DNAH5: variants seen among roughly 807,000 people sequenced by gnomAD.
DNAH5 encodes the protein dynein axonemal heavy chain 5.
A neutral mutation model predicts 518.2 loss-of-function variants in DNAH5; 372 were observed. The observed-to-expected ratio is 0.72, with a 90% CI of 0.66 to 0.78. DNAH5 has a LOEUF of 0.78. DNAH5 is among the 30% of genes least tolerant of loss of function. The pLI, the probability that DNAH5 is intolerant of heterozygous loss-of-function variation, is 0.00. For synonymous variants in DNAH5, 2,039 were observed against 2,025.9 expected (o/e 1.01, Z -0.17); for missense variants, 5,523 against 5,687.0 (o/e 0.97, Z 0.93).
rs201469471 is a variant in DNAH5, at chr5:13,811,745, G to T, written c.7309C>A (p.Arg2437Ser). 2 of 1,614,110 alleles carry T rather than the reference G, an allele frequency of 1.2e-6. No individual in the cohort carries two copies. The highest frequency in any genetic ancestry group is 8.5e-7 in the Non-Finnish European group (1 of 1,179,988). The change falls in exon 44 of 79, where the codon CGC becomes AGC. Residue 2437 changes from arginine to serine, a missense_variant. Arg to Ser is a moderately radical substitution (Grantham distance 110). This residue lies in a region of DNAH5 where 5,121 missense variants were observed against 5,223.3 expected (regional missense o/e 0.98). Coordinates refer to ENST00000265104, the MANE Select transcript of DNAH5 (RefSeq NM_001369.3). ...TATTCTAAGTTCTGGATACAGAAGCGATACAAGTCTGGGAAAGACTCGGTG... is the reference window on the plus strand; with the variant it reads ...TATTCTAAGTTCTGGATACAGAAGCTATACAAGTCTGGGAAAGACTCGGTG... ...LYTESFPDLY[R>S]FCIQNLEYKM...
At chr5:13,746,721 T>C (rs1182886160) in intron 65 of DNAH5, among the ~76,000 whole-genome samples, 1 of 152,098 alleles carries the variant, frequency 6.6e-6, no homozygotes, top group African/African-American at 2.4e-5. Context: ...GAGAAAAGAT[T>C]GGCAGGCAAT....
At position 13,811,756 on chromosome 5, in the gene DNAH5, G is replaced by T. The variant is rs768647135; in HGVS notation, c.7298C>A (p.Pro2433Gln). 1 of 1,614,130 alleles carries T rather than the reference G, an allele frequency of 6.2e-7. No homozygotes were observed. The highest frequency in any genetic ancestry group is 2.2e-5 in the East Asian group (1 of 44,866). ...ILRQLYTESF[P>Q]DLYRFCIQNL... ...CTGGATACAGAAGCGATACAAGTCTGGGAAAGACTCGGTGTACAGCTGACG... is the reference window on the plus strand; with the variant it reads ...CTGGATACAGAAGCGATACAAGTCTTGGAAAGACTCGGTGTACAGCTGACG... Residue 2433 changes from proline (P) to glutamine (Q), a missense_variant, in exon 44 of 79, where the codon CCA becomes CAA. Pro to Gln is a moderately conservative substitution (Grantham distance 76). Transcript: ENST00000265104.
At chr5:13,717,566 T>C (rs1385287070) in intron 72 of DNAH5, 46 bp from the exon 73 acceptor site, 5 of 1,435,470 alleles carry the variant, frequency 3.5e-6, no homozygotes, top group Non-Finnish European at 4.9e-6. Context: ...CTCAAATGTC[T>C]TTATTTTCTA....
intron 1 of DNAH5, among the ~76,000 whole-genome samples, chr5:13,962,194 T>C (rs1781230267): frequency 6.6e-6 from 1 of 152,188 alleles, no homozygotes; most frequent in Admixed American, 6.5e-5. Context: ...ATTATGTTTT[T>C]TGTGTGTGGG....
At chr5:13,968,804 G>C (rs2152055319) in intron 1 of DNAH5, among the ~76,000 whole-genome samples, 1 of 152,170 alleles carries the variant, frequency 6.6e-6, no homozygotes, top group East Asian at 1.9e-4. Context: ...TCCTGGTTTT[G>C]GTATTAGGCT....
chr5:13,829,914 A>G, intron 37 of DNAH5, 112 bp downstream of exon 37: 3 of 481,018 alleles, frequency 6.2e-6, no homozygotes, highest in Non-Finnish European at 5.9e-6. Context: ...AAAGGAGGTA[A>G]AGTTACAATC....
At chr5:13,803,370 C>T (rs910451996) in intron 47 of DNAH5, among the ~76,000 whole-genome samples, 8 of 152,096 alleles carry the variant, frequency 5.3e-5, no homozygotes, top group African/African-American at 1.9e-4. Flanking sequence ...TCAAAAATCA[C>T]ATGAAAATAC....
At chr5:13,760,831 G>A (rs1751669486) in intron 60 of DNAH5, among the ~76,000 whole-genome samples, 1 of 152,210 alleles carries the variant, frequency 6.6e-6, no homozygotes. Flanking sequence ...GGAAGTTAAA[G>A]TCGTAGGTCT....
intron 1 of DNAH5, among the ~76,000 whole-genome samples, chr5:13,983,630 G>C (rs533165370): frequency 6.6e-6 from 1 of 152,284 alleles, no homozygotes; most frequent in South Asian, 2.1e-4. Context: ...TGGGGTCCTG[G>C]ACCATGCTTT....
chr5:13,868,119 AT>A lies in DNAH5; in HGVS notation c.3835-128del, dbSNP rs1440236624. On this transcript the variant is annotated intron_variant, in intron 24 of 78. Coordinates refer to ENST00000265104, the MANE Select transcript of DNAH5 (RefSeq NM_001369.3). ...TGAAACTACCCTGAGAGTTCTAGTT[AT>A]TCTACTTCAAACCGCAAGAGGTTAA... The A allele has an allele frequency of 5.4e-5, 43 of 794,994 alleles. No homozygotes were observed. In the Middle Eastern group the frequency reaches 2.5e-3, roughly 46 times the overall value. 49.2% of individuals were successfully genotyped at this position (794,994 alleles called of 1,614,324 possible).
chr5:13,892,564 A>T (rs985430189), intron 16 of DNAH5, among the ~76,000 whole-genome samples: 2 of 152,228 alleles, frequency 1.3e-5, no homozygotes, highest in Non-Finnish European at 2.9e-5. Flanking sequence ...AATTACAAAA[A>T]GAAAAACATA....
chr5:13,883,663 T>C (rs1173928994), intron 19 of DNAH5, among the ~76,000 whole-genome samples: 1 of 152,232 alleles, frequency 6.6e-6, no homozygotes, highest in African/African-American at 2.4e-5. Context: ...CAGACATGTA[T>C]GTATATGTGT....
chr5:13,807,753 G>A (rs1388641033), intron 46 of DNAH5, 28 bp from the exon 47 acceptor site: 1 of 1,577,962 alleles, frequency 6.3e-7, no homozygotes, highest in South Asian at 1.1e-5. Context: ...GAAAAAAAAA[G>A]AAATGAAATA....
At chr5:13,745,195 T>C (rs1329925224) in intron 65 of DNAH5, among the ~76,000 whole-genome samples, 2 of 152,040 alleles carry the variant, frequency 1.3e-5, no homozygotes, top group Non-Finnish European at 2.9e-5. Flanking sequence ...TTCTCTATGA[T>C]CAAAGTGAGA....
At chr5:13,694,948 T>A (rs1741165501) in intron 78 of DNAH5, among the ~76,000 whole-genome samples, 2 of 152,232 alleles carry the variant, frequency 1.3e-5, no homozygotes, top group African/African-American at 2.4e-5. Context: ...GGTACTAATA[T>A]TTAATCATTT....
chr5:13,771,109 G>A (rs147940498), intron 55 of DNAH5, 129 bp from the exon 56 acceptor site: 1 of 788,338 alleles, frequency 1.3e-6, no homozygotes, highest in African/African-American at 1.7e-5. Context: ...CAGCTAGGTA[G>A]ATCTGTGTCA....
At chr5:13,929,256 C>A (rs1476944407) in intron 2 of DNAH5, among the ~76,000 whole-genome samples, 1 of 152,158 alleles carries the variant, frequency 6.6e-6, no homozygotes, top group Non-Finnish European at 1.5e-5. Context: ...CTGCATGACT[C>A]CACTTGTGTG....
In DNAH5 at chr5:13,882,930, G is replaced by C; in HGVS notation, c.3148C>G (p.Gln1050Glu). The change falls in exon 20 of 79, where the codon CAG becomes GAG. Residue 1050 changes from glutamine to glutamate, a missense_variant. By Grantham distance (29) the Gln-to-Glu change is conservative. Coordinates refer to ENST00000265104, the MANE Select transcript of DNAH5 (RefSeq NM_001369.3). ...CIISVPKGVRQWSSELLSKKK... is the reference protein window; with the variant it reads ...CIISVPKGVREWSSELLSKKK... Reference sequence around the variant, plus strand: ...TTGGACAACAGTTCACTGCTCCACTGTCTGACCCCCTTAGGGACACTGATG... The same window carrying C: ...TTGGACAACAGTTCACTGCTCCACTCTCTGACCCCCTTAGGGACACTGATG... 1 of 1,614,142 alleles carries C rather than the reference G, an allele frequency of 6.2e-7. No homozygotes were observed. Among genetic ancestry groups the C allele is most frequent in the Non-Finnish European group, 8.5e-7 (1 of 1,180,022 alleles).
chr5:13,816,410 C>T (rs1263853769), intron 42 of DNAH5, among the ~76,000 whole-genome samples: 3 of 152,080 alleles, frequency 2.0e-5, no homozygotes, highest in East Asian at 3.8e-4. Flanking sequence ...ATGCAACAAC[C>T]GTGGGATAGT....
Sources: gnomAD v4.1 joint callset for allele counts (sites outside exome capture counted in the v4.1 genomes callset) on GRCh38, gnomAD v4.1.1 for gene constraint, gnomAD v4.1.1 regional missense constraint, MANE v1.5 for transcripts, NCBI Gene and HGNC (gene_info 2026-07-23, HGNC 2026-07-21) for gene names.